The following SYMPK variants were observed in gnomAD, a reference collection of about 807,000 sequenced individuals.
SYMPK encodes the protein symplekin scaffold protein.
In SYMPK, 49 loss-of-function variants were observed where a neutral mutation model predicts 136.4. The observed-to-expected ratio is 0.36, with a 90% confidence interval of 0.29 to 0.46. SYMPK has a LOEUF of 0.46. Ranked by LOEUF, SYMPK falls within the 20% of genes least tolerant of loss-of-function variation. SYMPK has a pLI of 1.00. For synonymous variants in SYMPK, 766 were observed against 713.0 expected (o/e 1.07, Z -1.19); for missense variants, 1,365 against 1,690.0 (o/e 0.81, Z 3.37).
At position 45,842,253 on chromosome 19, in the gene SYMPK, G is replaced by A; in HGVS notation, c.1084C>T (p.Leu362=). 6.2e-6 allele frequency: 10 copies of A among 1,614,170 alleles called. No homozygotes were observed. Among genetic ancestry groups the A allele is most frequent in the Non-Finnish European group, 8.5e-6 (10 of 1,180,020 alleles). ...DSDSTLKKMK[L]EPNLGEDDED... is the part of the protein sequence containing the mutation. ...CCACCCCACCAGCCCCTCTCACCCA[G>A]CTTCATCTTCTTGAGTGTGGAGTCC... The change falls in exon 9 of 27, where the codon CTG becomes TTG. Residue 362 remains leucine, a synonymous_variant. Coordinates refer to ENST00000245934, the MANE Select transcript of SYMPK (RefSeq NM_004819.3).
rs1297169540 is a variant in SYMPK, at chr19:45,854,445, C to T, written c.51G>A (p.Gln17=). The T allele has an allele frequency of 4.3e-6, 7 of 1,614,196 alleles. No individual in the cohort carries two copies. The South Asian group carries it at 7.7e-5, about 18-fold the overall frequency. ...DSVTRRSVAS[Q]FFTQEEGPGI... is the part of the protein sequence containing the mutation. ...CCGGCCCCTCCTCTTGAGTGAAAAACTGTGATGCCACGCTCCGACGGGTGA... is the reference window on the plus strand; with the variant it reads ...CCGGCCCCTCCTCTTGAGTGAAAAATTGTGATGCCACGCTCCGACGGGTGA... The change falls in exon 2 of 27, where the codon CAG becomes CAA. Residue 17 remains glutamine, a synonymous_variant. Coordinates refer to ENST00000245934, the MANE Select transcript of SYMPK (RefSeq NM_004819.3).
chr19:45,845,457 T>G (rs1441253202), intron 7 of SYMPK, among the ~76,000 whole-genome samples: 5 of 152,180 alleles, frequency 3.3e-5, no homozygotes, highest in Non-Finnish European at 7.3e-5. Flanking sequence ...CATGCAAAGT[T>G]GTCTTTCGGT....
At chr19:45,832,664 G>A (rs1429130958) in intron 11 of SYMPK, among the ~76,000 whole-genome samples, 1 of 151,976 alleles carries the variant, frequency 6.6e-6, no homozygotes. Flanking sequence ...GAATACTACT[G>A]AGCAATAAAA....
chr19:45,849,165 A>G (rs1272333322), intron 5 of SYMPK, among the ~76,000 whole-genome samples: 19 of 152,194 alleles, frequency 1.2e-4, no homozygotes, highest in Admixed American at 1.2e-3. Context: ...ACTTCACCTC[A>G]TTTAGAATAA....
At chr19:45,853,191 CTGA>C (rs996384757) in intron 3 of SYMPK, among the ~76,000 whole-genome samples, 1 of 152,212 alleles carries the variant, frequency 6.6e-6, no homozygotes, top group Non-Finnish European at 1.5e-5. Context: ...AGGCTACAGG[CTGA>C]TGAAGGAGCC....
chr19:45,825,281 A>G lies in SYMPK; in HGVS notation c.2380T>C (p.Tyr794His). The G allele has an allele frequency of 6.2e-7, 1 of 1,614,190 alleles. No individual in the cohort carries two copies. Among genetic ancestry groups the G allele is most frequent in the Non-Finnish European group, 8.5e-7 (1 of 1,180,024 alleles). Reference protein sequence around the residue: ...EETVKQCLYLYLALLPQNHKL... With the variant: ...EETVKQCLYLHLALLPQNHKL... ...TGGTTCTGAGGCAGGAGGGCCAGGT[A>G]GAGGTACAGACACTGCTTCACTGTC... Residue 794 changes from tyrosine (Y) to histidine (H), a missense_variant, in exon 18 of 27, where the codon TAC (tyrosine) becomes CAC (histidine). Around this residue, in one of 11 missense-constraint regions of SYMPK, gnomAD observed 92 missense variants for 198.6 expected, o/e 0.46. Transcript: ENST00000245934.
At chr19:45,852,270 A>T (rs1209787412) in intron 5 of SYMPK, 42 bp downstream of exon 5, 1 of 1,610,812 alleles carries the variant, frequency 6.2e-7, no homozygotes, top group East Asian at 2.2e-5. Flanking sequence ...GAAGGCTGCC[A>T]CCAGTGAGAA....
In SYMPK at chr19:45,815,937, G is replaced by C; in HGVS notation, c.3601C>G (p.Pro1201Ala). Residue 1201 changes from proline to alanine, a missense_variant, in exon 26 of 27, where the codon CCG becomes GCG. By Grantham distance (27) the Pro-to-Ala change is conservative (BLOSUM62 -1). Coordinates refer to ENST00000245934, the MANE Select transcript of SYMPK (RefSeq NM_004819.3). ...FREEGPECETPGIFISMDDDS... is the reference protein window; with the variant it reads ...FREEGPECETAGIFISMDDDS... ...TCATCCATGCTGATGAAGATGCCCGGGGTCTCGCACTCAGGCCCCTCCTCC... is the reference window on the plus strand; with the variant it reads ...TCATCCATGCTGATGAAGATGCCCGCGGTCTCGCACTCAGGCCCCTCCTCC... 1.2e-6 allele frequency: 2 copies of C among 1,611,872 alleles called. No homozygotes were observed. The highest frequency in any genetic ancestry group is 8.5e-7 in the Non-Finnish European group (1 of 1,179,732).
At chr19:45,847,621 G>A (rs988983467) in intron 7 of SYMPK, 131 bp downstream of exon 7, 3 of 1,106,474 alleles carry the variant, frequency 2.7e-6, no homozygotes, top group Non-Finnish European at 2.5e-6. Flanking sequence ...CTAGCACCAG[G>A]GATCTTAACT....
chr19:45,820,159 C>T (rs1670832740), intron 22 of SYMPK: 1 of 152,254 alleles, frequency 6.6e-6, no homozygotes, highest in South Asian at 2.1e-4. Flanking sequence ...TAATCTGGGT[C>T]CACAAATGGC....
At chr19:45,831,655 T>C in intron 11 of SYMPK, 67 bp from the exon 12 acceptor site, 1 of 1,378,890 alleles carries the variant, frequency 7.3e-7, no homozygotes, top group Non-Finnish European at 9.9e-7. Context: ...GAGGACCTCC[T>C]GTGTGCCTGG....
intron 25 of SYMPK, 126 bp from the exon 26 acceptor site, chr19:45,816,309 T>C: frequency 1.8e-6 from 2 of 1,141,254 alleles, no homozygotes; most frequent in South Asian, 1.6e-5. Context: ...GAAGGGGCAG[T>C]TGTCCCCCAG....
chr19:45,821,899 A>G lies in SYMPK; in HGVS notation c.2792-414T>C, dbSNP rs190525601. Among the ~76,000 whole-genome samples the G allele has an allele frequency of 6.6e-6, 1 of 151,948 alleles. No homozygotes were observed. The highest frequency in any genetic ancestry group is 2.4e-5 in the African/African-American group (1 of 41,366). Reference sequence around the variant, plus strand: ...CTACAGGCTTCCAAAAAGTGGCTGGAGCCTTCTGCTGTGTGGGGCCTGGGG... The same window carrying G: ...CTACAGGCTTCCAAAAAGTGGCTGGGGCCTTCTGCTGTGTGGGGCCTGGGG... On this transcript the variant is annotated intron_variant, in intron 21 of 26. Coordinates refer to ENST00000245934, the MANE Select transcript of SYMPK (RefSeq NM_004819.3). This position sits in a 1 kb window ranked among gnomAD's most constrained non-coding sequence, Gnocchi z 4.4.
rs781586274 is a variant in SYMPK at position 45,815,862 on chromosome 19, G to A, written c.3676C>T (p.Pro1226Ser). ...AALLDSSLEG[P>S]LPKETAAGGL... ...GCTGCTCTCCCTACCTTGGGTAGGGGGCCCTCGAGACTAGAGTCCAACAGC... is the reference window on the plus strand; with the variant it reads ...GCTGCTCTCCCTACCTTGGGTAGGGAGCCCTCGAGACTAGAGTCCAACAGC... The change falls in exon 26 of 27, where the codon CCC becomes TCC. Residue 1226 changes from proline (P) to serine (S), a missense_variant. Physicochemically the swap from Pro to Ser is moderately conservative, Grantham distance 74. Around this residue, in one of 11 missense-constraint regions of SYMPK, gnomAD observed 341 missense variants for 270.5 expected, o/e 1.26. Transcript: ENST00000245934. 8 of 1,612,036 alleles carry A rather than the reference G, an allele frequency of 5.0e-6. No homozygotes were observed. Among genetic ancestry groups the A allele is most frequent in the South Asian group, 3.3e-5 (3 of 90,944 alleles).
At chr19:45,817,937 G>T in intron 23 of SYMPK, 22 bp downstream of exon 23, 1 of 1,543,512 alleles carries the variant, frequency 6.5e-7, no homozygotes, top group South Asian at 1.2e-5. Flanking sequence ...GCCTGGAGGC[G>T]GGGTGGCCGG....
chr19:45,827,369 G>A, intron 16 of SYMPK, 141 bp downstream of exon 16: 1 of 642,762 alleles, frequency 1.6e-6, no homozygotes. Context: ...GACAGAAATA[G>A]CCAAAAAACC....
chr19:45,832,108 G>C (rs1055071858), intron 11 of SYMPK, among the ~76,000 whole-genome samples: 2 of 152,178 alleles, frequency 1.3e-5, no homozygotes, highest in African/African-American at 4.8e-5. Flanking sequence ...CTTCCAAAGT[G>C]CTGGGATTAC....
intron 11 of SYMPK, among the ~76,000 whole-genome samples, chr19:45,833,038 G>GA (rs1568615384): frequency 1.4e-5 from 2 of 141,990 alleles, no homozygotes; most frequent in Admixed American, 1.4e-4. Flanking sequence ...AAAAAACCGT[G>GA]AAAAACAAAA....
chr19:45,816,765 G>T, intron 24 of SYMPK, 33 bp downstream of exon 24: 1 of 1,501,984 alleles, frequency 6.7e-7, no homozygotes, highest in Non-Finnish European at 8.9e-7. Context: ...CCCTGGGTGG[G>T]GGGAAAGGGT....
Sources: allele counts gnomAD v4.1 joint callset (sites outside exome capture counted in the v4.1 genomes callset), GRCh38; gene constraint gnomAD v4.1.1; regional missense constraint gnomAD v4.1.1; non-coding constraint Gnocchi (gnomAD v3.1); transcripts MANE v1.5; gene names NCBI Gene and HGNC (gene_info 2026-07-23, HGNC 2026-07-21).